PLA2G4F: variants seen among roughly 807,000 people sequenced by gnomAD.
PLA2G4F encodes cytosolic phospholipase A2 zeta.
In PLA2G4F, 105 loss-of-function variants were observed where a neutral mutation model predicts 103.1. The observed-to-expected ratio is 1.02, with a 90% confidence interval of 0.87 to 1.20. The LOEUF is 1.20. Ranked by LOEUF, PLA2G4F falls within the 50% of genes most tolerant of loss-of-function variation. The pLI is 0.00. For missense variants in PLA2G4F, 1,155 were observed against 1,075.9 expected (o/e 1.07, Z -1.03); for synonymous variants, 468 against 441.1 (o/e 1.06, Z -0.76).
chr15:42,156,494 C>A lies in PLA2G4F; in HGVS notation c.56G>T (p.Gly19Val), dbSNP rs1452894779. Residue 19 changes from glycine to valine, a missense_variant, in exon 1 of 20, where the codon GGG (glycine) becomes GTG (valine). Gly to Val is a moderately radical substitution (Grantham distance 109). Transcript: ENST00000397272. ...WLADKMLPLL[G>V]AVLLQKREKR... Reference sequence around the variant, plus strand: ...CTCTCTCTTCTGAAGCAGCACTGCCCCCAGGAGGGGCAGCATCTTGTCTGC... The same window carrying A: ...CTCTCTCTTCTGAAGCAGCACTGCCACCAGGAGGGGCAGCATCTTGTCTGC... 3 of 1,563,936 alleles carry A rather than the reference C, an allele frequency of 1.9e-6. No homozygotes were observed. The highest frequency in any genetic ancestry group is 2.6e-6 in the Non-Finnish European group (3 of 1,153,182).
chr15:42,143,172 C>A (rs1276057095), intron 18 of PLA2G4F, among the ~76,000 whole-genome samples: 1 of 74,922 alleles, frequency 1.3e-5, no homozygotes, highest in African/African-American at 6.1e-5. Flanking sequence ...AGTGAGACTC[C>A]ATCTAAAAAA....
Position 42,142,732 on chromosome 15 carries a change from T to C in PLA2G4F, c.2143-18A>G, listed in dbSNP as rs761433245. 6.2e-7 allele frequency: 1 copy of C among 1,613,368 alleles called. No individual in the cohort carries two copies. The highest frequency in any genetic ancestry group is 8.5e-7 in the Non-Finnish European group (1 of 1,179,778). On this transcript the variant is annotated intron_variant, in intron 18 of 19. Transcript: ENST00000397272. ...TTCAAGACCTGAGCAGGAGCAAGCC[T>C]CTGACTCTGCCTTTCCTCCACCCTG...
In PLA2G4F at chr15:42,154,441, AGCAGTC is replaced by A. The variant is rs1259681009; in HGVS notation, c.196_201del (p.Asp66_Cys67del). 1 of 1,599,836 alleles carries A rather than the reference AGCAGTC, an allele frequency of 6.3e-7. No individual in the cohort carries two copies. The highest frequency in any genetic ancestry group is 8.5e-7 in the Non-Finnish European group (1 of 1,171,412). The stretch of plus-strand genomic sequence containing the variant: ...GCCGTGGGCAGCCACAGTTGCACAT[AGCAGTC>A]GGCTTTGGACACTGCAGGTAGGACA... On this transcript the variant is annotated inframe_deletion, in exon 3 of 20. Transcript: ENST00000397272.
At position 42,147,205 on chromosome 15, in the gene PLA2G4F, C is replaced by CA. The variant is rs762887261; in HGVS notation, c.1337dup (p.Val448GlyfsTer20). On this transcript the variant is annotated frameshift_variant, in exon 13 of 20. Coordinates refer to ENST00000397272, the MANE Select transcript of PLA2G4F (RefSeq NM_213600.4). LOFTEE classifies it high-confidence loss of function. The stretch of plus-strand genomic sequence containing the variant: ...TGTGGCCACTGCGCTCCCGGACCCC[C>CA]AGTTCCTGAGTGTAGTACTGTAGCC... The CA allele has an allele frequency of 2.9e-5, 46 of 1,612,938 alleles. No individual in the cohort carries two copies. The highest frequency in any genetic ancestry group is 3.6e-5 in the Non-Finnish European group (43 of 1,179,994).
intron 8 of PLA2G4F, 34 bp from the exon 9 acceptor site, chr15:42,150,520 G>C (rs1225104592): frequency 6.2e-7 from 1 of 1,603,562 alleles, no homozygotes; most frequent in Admixed American, 1.7e-5. Flanking sequence ...AAGCTCTCCA[G>C]CAGGGAAGAA....
intron 6 of PLA2G4F, 48 bp downstream of exon 6, chr15:42,153,252 C>A: frequency 6.3e-7 from 1 of 1,575,672 alleles, no homozygotes; most frequent in Non-Finnish European, 8.6e-7. Flanking sequence ...ACGGGTTCCT[C>A]ACTGCCCCCC....
intron 18 of PLA2G4F, 31 bp downstream of exon 18, chr15:42,143,947 G>A: frequency 1.9e-6 from 3 of 1,572,240 alleles, no homozygotes; most frequent in Non-Finnish European, 2.6e-6. Context: ...CTCACTGCAG[G>A]TGCTCCCCAC....
rs908041671 is a variant in PLA2G4F, at chr15:42,141,283, T to C, written c.*701A>G. On this transcript the variant is annotated 3_prime_UTR_variant, in exon 20 of 20. Coordinates refer to ENST00000397272, the MANE Select transcript of PLA2G4F (RefSeq NM_213600.4). ...GAGACTGTGGTCCAGGTTCGAAGAG[T>C]GAAGCCTGGGTAACTGGCAGGGAGA... 6 of 456,318 alleles carry C rather than the reference T, an allele frequency of 1.3e-5. No individual in the cohort carries two copies. The highest frequency in any genetic ancestry group is 8.0e-5 in the African/African-American group (4 of 49,936). The allele number at this position is 456,318 out of a possible 1,614,324, so 28.3% of individuals were successfully genotyped here.
intron 11 of PLA2G4F, chr15:42,149,057 C>T (rs1566880129): frequency 6.1e-6 from 6 of 985,280 alleles, no homozygotes; most frequent in Non-Finnish European, 7.2e-6. Flanking sequence ...CTCAGCACGC[C>T]TTTCCTCCTG....
intron 18 of PLA2G4F, 119 bp downstream of exon 18, chr15:42,143,859 G>T: frequency 7.6e-7 from 1 of 1,321,936 alleles, no homozygotes; most frequent in Non-Finnish European, 1.0e-6. Flanking sequence ...TCCACAAAGG[G>T]CAATCCCCAC....
At chr15:42,145,387 C>G (rs1339266071) in intron 16 of PLA2G4F, among the ~76,000 whole-genome samples, 188 bp downstream of exon 16, 1 of 152,166 alleles carries the variant, frequency 6.6e-6, no homozygotes, top group African/African-American at 2.4e-5. Flanking sequence ...ACAGAGAACT[C>G]AGAGGTGTGG....
rs1356540801 is a variant in PLA2G4F, at chr15:42,144,650, C to A, written c.1781-6G>T. 2 of 1,583,296 alleles carry A rather than the reference C, an allele frequency of 1.3e-6. No individual in the cohort carries two copies. Among genetic ancestry groups the A allele is most frequent in the Admixed American group, 1.7e-5 (1 of 57,316 alleles). ...CTGAGGCTTCTGGCAGTCGTCTAGA[C>A]AGGGGCGGGACAGTGAAATAGAGGG... On this transcript the variant is annotated splice_region_variant and splice_polypyrimidine_tract_variant and intron_variant, in intron 16 of 19. Transcript: ENST00000397272.
At position 42,142,004 on chromosome 15, in the gene PLA2G4F, G is replaced by A. The variant is rs202153550; in HGVS notation, c.2530C>T (p.Arg844Trp). Reference protein sequence around the residue: ...LQLALDRHQARERAGA With the variant: ...LQLALDRHQAWERAGA ...CTTGGTCAGGCCCCTGCCCTCTCCC[G>A]AGCCTGGTGCCGGTCCAGAGCCAGC... The change falls in exon 20 of 20, where the codon CGG (arginine) becomes TGG (tryptophan). Residue 844 changes from arginine to tryptophan, a missense_variant. Physicochemically the swap from Arg to Trp is moderately radical, Grantham distance 101. This residue lies in a region of PLA2G4F where 782 missense variants were observed against 692.9 expected (regional missense o/e 1.13). Transcript: ENST00000397272. 6.8e-5 allele frequency: 109 copies of A among 1,613,874 alleles called. No homozygotes were observed. Among genetic ancestry groups the A allele is most frequent in the South Asian group, 2.1e-4 (19 of 91,056 alleles).
At chr15:42,144,991 G>A (rs559675814) in intron 16 of PLA2G4F, among the ~76,000 whole-genome samples, 3 of 152,318 alleles carry the variant, frequency 2.0e-5, no homozygotes, top group East Asian at 1.9e-4. Flanking sequence ...CTAGGCATGA[G>A]GGCTGTGAAG....
Position 42,145,669 on chromosome 15 carries a change from G to A in PLA2G4F, c.1686C>T (p.Ser562=), listed in dbSNP as rs563380877. The A allele has an allele frequency of 1.9e-5, 31 of 1,614,026 alleles. No individual in the cohort carries two copies. Among genetic ancestry groups the A allele is most frequent in the African/African-American group, 9.3e-5 (7 of 75,030 alleles). ...TCTCATCCAGGCTGGTGGCAAAGGC[G>A]CTGCCCCACATACCTAAGGAGACAG... The part of the protein sequence containing the change: ...RICYLQGMWG[S]AFATSLDEIF... Residue 562 remains serine, a synonymous_variant, in exon 16 of 20, where the codon AGC becomes AGT. Transcript: ENST00000397272.
rs138023141 is a variant in PLA2G4F at position 42,141,000 on chromosome 15, G to T, written c.*984C>A. 2.6e-5 allele frequency: 9 copies of T among 340,878 alleles called. No individual in the cohort carries two copies. In the East Asian group the frequency reaches 6.0e-4, roughly 23 times the overall value. 21.1% of individuals were successfully genotyped at this position (340,878 alleles called of 1,614,324 possible). A position where few individuals can be genotyped will look rare whatever the true frequency, so the allele number is the denominator to read the frequency against. On this transcript the variant is annotated 3_prime_UTR_variant, in exon 20 of 20. Coordinates refer to ENST00000397272, the MANE Select transcript of PLA2G4F (RefSeq NM_213600.4). ...TCCCTGGCGGGTCAGGGGAAATGGA[G>T]AAGAGGGAGAGTGAGAAACAAAACT...
At chr15:42,155,096 CACACAT>C (rs1046523326) in intron 2 of PLA2G4F, among the ~76,000 whole-genome samples, 1 of 147,670 alleles carries the variant, frequency 6.8e-6, no homozygotes, top group African/African-American at 2.6e-5. Flanking sequence ...CACACGTATA[CACACAT>C]ACACACTCAC....
rs2048856374 is a variant in PLA2G4F, at chr15:42,144,265, C to T, written c.1976-121G>A. ...GAGTTCTCTCTGACAGCCATGGAGA[C>T]TCCTGCCCCAAGCCCTTGGCCCTGC... On this transcript the variant is annotated intron_variant, in intron 17 of 19. Transcript: ENST00000397272. 7 of 1,410,016 alleles carry T rather than the reference C, an allele frequency of 5.0e-6. No individual in the cohort carries two copies. The East Asian group carries it at 7.0e-5, about 14-fold the overall frequency. 87.3% of individuals were successfully genotyped at this position (1,410,016 alleles called of 1,614,324 possible). A position where few individuals can be genotyped will look rare whatever the true frequency, so the allele number is the denominator to read the frequency against.
intron 19 of PLA2G4F, 110 bp from the exon 20 acceptor site, chr15:42,142,314 C>A (rs1402825255): frequency 2.5e-6 from 3 of 1,197,654 alleles, no homozygotes; most frequent in Non-Finnish European, 3.5e-6. Context: ...TCCCTGCGGG[C>A]CCTGCTTGGG....
Sources: gnomAD v4.1 joint callset for allele counts (sites outside exome capture counted in the v4.1 genomes callset) on GRCh38, gnomAD v4.1.1 for gene constraint, gnomAD v4.1.1 regional missense constraint, MANE v1.5 for transcripts, NCBI Gene and HGNC (gene_info 2026-07-23, HGNC 2026-07-21) for gene names.